The following OR4C11 variants were observed in gnomAD, a reference collection of about 807,000 sequenced individuals.
OR4C11 encodes olfactory receptor 4C11.
A neutral mutation model predicts 14.7 loss-of-function variants in OR4C11; 15 were observed. The ratio of observed to expected loss-of-function variants is 1.02; its 90% CI spans 0.68 to 1.58. The LOEUF is 1.58. OR4C11 is among the 40% of genes most tolerant of loss of function. OR4C11 has a pLI of 0.00. For missense variants in OR4C11, 473 were observed against 383.0 expected, an observed-to-expected ratio of 1.24 and a Z score of -1.96; for synonymous variants, 146 against 135.0, an observed-to-expected ratio of 1.08 and a Z score of -0.57.
rs1857935076 is a variant in OR4C11, at chr11:55,604,450, T to A, written c.-44-33A>T. 5 of 616,554 alleles carry A rather than the reference T, an allele frequency of 8.1e-6. No individual in the cohort carries two copies. The South Asian group carries it at 1.5e-4, about 18-fold the overall frequency. The allele number at this position is 616,554 out of a possible 1,614,324, so 38.2% of individuals were successfully genotyped here. On this transcript the variant is annotated intron_variant, in intron 3 of 3. Transcript: ENST00000641580. ...AGAAAAAAAGAAATAGATTCTAAAT[T>A]TAGAGGTCAAATACATATTCTTGCA...
In OR4C11 at chr11:55,603,264, C is replaced by CA. The variant is rs1324490435; in HGVS notation, c.*176dup. 2 of 459,764 alleles carry CA rather than the reference C, an allele frequency of 4.4e-6. 1 individual carries two copies. The highest frequency in any genetic ancestry group is 7.6e-6 in the Non-Finnish European group (2 of 263,202). The allele number at this position is 459,764 out of a possible 1,614,324, so 28.5% of individuals were successfully genotyped here. ...ATCTATATTCTACCTAGTTCTGGCA[C>CA]AAAAGACAATGTCTTGGTAGTCACA... On this transcript the variant is annotated 3_prime_UTR_variant, in exon 4 of 4. Transcript: ENST00000641580.
chr11:55,604,017 A>T lies in OR4C11; in HGVS notation c.357T>A (p.Asp119Glu). The T allele has an allele frequency of 6.7e-7, 1 of 1,488,494 alleles. No homozygotes were observed. 92.2% of individuals were successfully genotyped at this position (1,488,494 alleles called of 1,614,324 possible). Residue 119 changes from aspartate to glutamate, a missense_variant, in exon 4 of 4, where the codon GAT becomes GAA. Coordinates refer to ENST00000641580, the MANE Select transcript of OR4C11 (RefSeq NM_001004700.3). Reference sequence around the variant, plus strand: ...AGGGCTTACAGATGGCCACATAGCGATCAACAGCCATGAGAATGAGGACAA... The same window carrying T: ...AGGGCTTACAGATGGCCACATAGCGTTCAACAGCCATGAGAATGAGGACAA... ...EIFVLILMAV[D>E]RYVAICKPLR... is the part of the protein sequence containing the mutation.
In OR4C11 at chr11:55,603,970, C is replaced by T. The variant is rs1857923962; in HGVS notation, c.404G>A (p.Ser135Asn). Reference sequence around the variant, plus strand: ...AATCAGGATGATGCAGACCTGCTGGCTCATGATGGTTGGGTAACGCAAGGG... The same window carrying T: ...AATCAGGATGATGCAGACCTGCTGGTTCATGATGGTTGGGTAACGCAAGGG... ...CKPLRYPTIMSQQVCIILIVL... is the reference protein window; with the variant it reads ...CKPLRYPTIMNQQVCIILIVL... Residue 135 changes from serine to asparagine, a missense_variant, in exon 4 of 4, where the codon AGC becomes AAC. By Grantham distance (46) the Ser-to-Asn change is conservative. Transcript: ENST00000641580. 2.0e-6 allele frequency: 3 copies of T among 1,490,044 alleles called. 1 individual carries two copies. The highest frequency in any genetic ancestry group is 2.7e-6 in the Non-Finnish European group (3 of 1,096,512). 92.3% of individuals were successfully genotyped at this position (1,490,044 alleles called of 1,614,324 possible). A position where few individuals can be genotyped will look rare whatever the true frequency, so the allele number is the denominator to read the frequency against.
rs753361438 is a variant in OR4C11 at position 55,603,390 on chromosome 11, C to T, written c.*51G>A. ...CTTTCCTATTTGCTGTCTATACTTACTCTGTTAAATCATGATTTGACTGAA... is the reference window on the plus strand; with the variant it reads ...CTTTCCTATTTGCTGTCTATACTTATTCTGTTAAATCATGATTTGACTGAA... On this transcript the variant is annotated 3_prime_UTR_variant, in exon 4 of 4. Transcript: ENST00000641580. The T allele has an allele frequency of 3.3e-6, 3 of 906,796 alleles. 1 individual carries two copies. Among genetic ancestry groups the T allele is most frequent in the African/African-American group, 1.6e-5 (1 of 61,652 alleles). 56.2% of individuals were successfully genotyped at this position (906,796 alleles called of 1,614,324 possible).
rs1857893880 is a variant in OR4C11 at position 55,602,373 on chromosome 11, T to G, written c.*1068A>C. On this transcript the variant is annotated 3_prime_UTR_variant, in exon 4 of 4. Transcript: ENST00000641580. ...TGAAATTGAATCTGTCAACAGTTATTAAAGATGTGGTACACTTATTACACT... is the reference window on the plus strand; with the variant it reads ...TGAAATTGAATCTGTCAACAGTTATGAAAGATGTGGTACACTTATTACACT... 7.2e-6 allele frequency: 1 copy of G among 138,346 alleles called. No homozygotes were observed. Among genetic ancestry groups the G allele is most frequent in the South Asian group, 2.3e-4 (1 of 4,280 alleles). 8.6% of individuals were successfully genotyped at this position (138,346 alleles called of 1,614,324 possible).
chr11:55,606,334 C>A (rs1471341500), intron 2 of OR4C11, among the ~76,000 whole-genome samples, 188 bp downstream of exon 2: 1 of 137,812 alleles, frequency 7.3e-6, no homozygotes, highest in Non-Finnish European at 1.6e-5. Flanking sequence ...ACTACACACA[C>A]CTGCATATTT....
rs1212023597 is a variant in OR4C11 at position 55,602,886 on chromosome 11, T to A, written c.*555A>T. 7.2e-6 allele frequency: 1 copy of A among 139,492 alleles called. No individual in the cohort carries two copies. Among genetic ancestry groups the A allele is most frequent in the Non-Finnish European group, 1.6e-5 (1 of 62,758 alleles). 8.6% of individuals were successfully genotyped at this position (139,492 alleles called of 1,614,324 possible). The stretch of plus-strand genomic sequence containing the variant: ...TTCAGGAGGAAGCTTGATACCTTAT[T>A]GCAAATGCATTAGGGAAGGAATTTG... On this transcript the variant is annotated 3_prime_UTR_variant, in exon 4 of 4. Transcript: ENST00000641580.
Position 55,603,968 on chromosome 11 carries a change from G to A in OR4C11, c.406C>T (p.Gln136Ter), listed in dbSNP as rs1432973736. Residue 136 changes from glutamine to a stop codon, truncating the protein, a stop_gained, in exon 4 of 4, where the codon CAG becomes TAG. Transcript: ENST00000641580. LOFTEE classifies it high-confidence loss of function. ...ACAATCAGGATGATGCAGACCTGCT[G>A]GCTCATGATGGTTGGGTAACGCAAG... ...KPLRYPTIMSQQVCIILIVLA... is the reference protein window; with the variant it reads ...KPLRYPTIMS 6.7e-7 allele frequency: 1 copy of A among 1,489,730 alleles called. No individual in the cohort carries two copies. Among genetic ancestry groups the A allele is most frequent in the Non-Finnish European group, 9.1e-7 (1 of 1,096,242 alleles). 92.3% of individuals were successfully genotyped at this position (1,489,730 alleles called of 1,614,324 possible). A position where few individuals can be genotyped will look rare whatever the true frequency, so the allele number is the denominator to read the frequency against.
chr11:55,605,883 AAT>A (rs1279707237), intron 2 of OR4C11, among the ~76,000 whole-genome samples: 1 of 138,998 alleles, frequency 7.2e-6, no homozygotes, highest in East Asian at 2.3e-4. Context: ...TGTCTTAACA[AAT>A]AGTCTTGACA....
In OR4C11 at chr11:55,605,968, CT is replaced by C. The variant is rs752482171; in HGVS notation, c.-207+553del. Reference sequence around the variant, plus strand: ...GTGGGTGCAACCTTCTAGAAAGTGACTTCAGTATCTATTATATGACAACCGG... The same window carrying C: ...GTGGGTGCAACCTTCTAGAAAGTGACTCAGTATCTATTATATGACAACCGG... On this transcript the variant is annotated intron_variant, in intron 2 of 3. Coordinates refer to ENST00000641580, the MANE Select transcript of OR4C11 (RefSeq NM_001004700.3). 1.6e-4 allele frequency among the ~76,000 whole-genome samples: 22 copies of C among 138,496 alleles called. 4 individuals are homozygous for C. The highest frequency in any genetic ancestry group is 3.1e-4 in the Non-Finnish European group (19 of 62,132). The allele number at this position is 138,496 out of a possible 152,430, so 90.9% of individuals were successfully genotyped here.
Position 55,603,583 on chromosome 11 carries a change from G to T in OR4C11, c.791C>A (p.Pro264His), listed in dbSNP as rs187050403. ...FIYTRPPTTFPMDKMVAVFYT... is the reference protein window; with the variant it reads ...FIYTRPPTTFHMDKMVAVFYT... ...AAATACTGCCACCATCTTGTCCATG[G>T]GGAAAGTGGTCGGGGGGCGTGTATA... Residue 264 changes from proline to histidine, a missense_variant, in exon 4 of 4, where the codon CCC becomes CAC. By Grantham distance (77) the Pro-to-His change is moderately conservative (BLOSUM62 -2). Transcript: ENST00000641580. 113 of 1,481,324 alleles carry T rather than the reference G, an allele frequency of 7.6e-5. 29 individuals are homozygous for T. In the East Asian group the frequency reaches 2.7e-3, roughly 36 times the overall value. The allele number at this position is 1,481,324 out of a possible 1,614,324, so 91.8% of individuals were successfully genotyped here.
chr11:55,603,168 T>C lies in OR4C11; in HGVS notation c.*273A>G. The C allele has an allele frequency of 7.3e-6, 2 of 274,608 alleles. No individual in the cohort carries two copies. The highest frequency in any genetic ancestry group is 1.3e-4 in the South Asian group (2 of 14,868). The allele number at this position is 274,608 out of a possible 1,614,324, so 17.0% of individuals were successfully genotyped here. A position where few individuals can be genotyped will look rare whatever the true frequency, so the allele number is the denominator to read the frequency against. On this transcript the variant is annotated 3_prime_UTR_variant, in exon 4 of 4. Coordinates refer to ENST00000641580, the MANE Select transcript of OR4C11 (RefSeq NM_001004700.3). ...CATAGAGATAGTCAGGCTTACACTT[T>C]AGAAAATGCATGGCTGGAAAGGAAG...
In OR4C11 at chr11:55,602,664, A is replaced by G. The variant is rs1857898410; in HGVS notation, c.*777T>C. 7.2e-6 allele frequency: 1 copy of G among 138,584 alleles called. No individual in the cohort carries two copies. The highest frequency in any genetic ancestry group is 1.6e-5 in the Non-Finnish European group (1 of 62,202). 8.6% of individuals were successfully genotyped at this position (138,584 alleles called of 1,614,324 possible). On this transcript the variant is annotated 3_prime_UTR_variant, in exon 4 of 4. Transcript: ENST00000641580. ...TTATTTATTTCATTGACATCACCCA[A>G]CTTTAAACACAATAGATCATACCAT...
Position 55,603,005 on chromosome 11 carries a change from T to A in OR4C11, c.*436A>T. The A allele has an allele frequency of 7.0e-6, 1 of 143,524 alleles. No individual in the cohort carries two copies. The highest frequency in any genetic ancestry group is 1.5e-5 in the Non-Finnish European group (1 of 65,228). 8.9% of individuals were successfully genotyped at this position (143,524 alleles called of 1,614,324 possible). The stretch of plus-strand genomic sequence containing the variant: ...CCAGAGTGTAGACAGAGTTGTGATG[T>A]GTAGTTCACAACCAGCAATGGCAGA... On this transcript the variant is annotated 3_prime_UTR_variant, in exon 4 of 4. Coordinates refer to ENST00000641580, the MANE Select transcript of OR4C11 (RefSeq NM_001004700.3).
At chr11:55,606,019 C>A (rs937939711) in intron 2 of OR4C11, among the ~76,000 whole-genome samples, 23 of 138,172 alleles carry the variant, frequency 1.7e-4, no homozygotes, top group African/African-American at 5.8e-4. Context: ...CCAGTTATTC[C>A]GTTTCCTATA....
chr11:55,602,745 T>TATCTCCAG lies in OR4C11; in HGVS notation c.*688_*695dup, dbSNP rs1158237424. 29 of 139,014 alleles carry TATCTCCAG rather than the reference T, an allele frequency of 2.1e-4. 3 individuals carry two copies. The highest frequency in any genetic ancestry group is 7.0e-4 in the African/African-American group (28 of 40,156). The allele number at this position is 139,014 out of a possible 1,614,324, so 8.6% of individuals were successfully genotyped here. A position where few individuals can be genotyped will look rare whatever the true frequency, so the allele number is the denominator to read the frequency against. ...CACTTCAGGCTCAGGAAATATGTTG[T>TATCTCCAG]ATCTCCAGTATATTAGCCTCTGACT... is the stretch of plus-strand genomic sequence containing the variant. On this transcript the variant is annotated 3_prime_UTR_variant, in exon 4 of 4. Transcript: ENST00000641580.
chr11:55,603,884 A>G lies in OR4C11; in HGVS notation c.490T>C (p.Leu164=), dbSNP rs368376238. ...ATCAAATAGGGTCCACAGAAAGGCA[A>G]TCTTAAGGCCAGGATAATCTGAGCT... ...STAQIILALR[L]PFCGPYLIDH... Residue 164 remains leucine (L), a synonymous_variant, in exon 4 of 4, where the codon TTG becomes CTG. Coordinates refer to ENST00000641580, the MANE Select transcript of OR4C11 (RefSeq NM_001004700.3). 5.4e-6 allele frequency: 8 copies of G among 1,490,626 alleles called. 2 individuals carry two copies. Among genetic ancestry groups the G allele is most frequent in the South Asian group, 1.2e-5 (1 of 84,858 alleles). The allele number at this position is 1,490,626 out of a possible 1,614,324, so 92.3% of individuals were successfully genotyped here. A position where few individuals can be genotyped will look rare whatever the true frequency, so the allele number is the denominator to read the frequency against.
chr11:55,605,521 C>T (rs949232764), intron 2 of OR4C11, among the ~76,000 whole-genome samples: 2 of 138,164 alleles, frequency 1.4e-5, no homozygotes, highest in Non-Finnish European at 3.2e-5. Context: ...TTGCATATTT[C>T]AAATATTGAA....
chr11:55,604,246 A>G lies in OR4C11; in HGVS notation c.128T>C (p.Ile43Thr). ...YMGTVVGNMLIIVTIKSSRTL... is the reference protein window; with the variant it reads ...YMGTVVGNMLTIVTIKSSRTL... The stretch of plus-strand genomic sequence containing the variant: ...CCGGCTGGACTTGATGGTCACAATA[A>G]TGAGCATATTCCCCACCACAGTTCC... Residue 43 changes from isoleucine to threonine, a missense_variant, in exon 4 of 4, where the codon ATT becomes ACT. Coordinates refer to ENST00000641580, the MANE Select transcript of OR4C11 (RefSeq NM_001004700.3). 6.8e-7 allele frequency: 1 copy of G among 1,462,664 alleles called. No homozygotes were observed. The highest frequency in any genetic ancestry group is 9.3e-7 in the Non-Finnish European group (1 of 1,070,532). 90.6% of individuals were successfully genotyped at this position (1,462,664 alleles called of 1,614,324 possible).
Sources: gnomAD v4.1 joint callset for allele counts (sites outside exome capture counted in the v4.1 genomes callset) on GRCh38, gnomAD v4.1.1 for gene constraint, MANE v1.5 for transcripts, NCBI Gene and HGNC (gene_info 2026-07-23, HGNC 2026-07-21) for gene names.